Variants in MAST2 observed in about 807,000 individuals in gnomAD.
The protein encoded by MAST2 is microtubule associated serine/threonine kinase 2.
In MAST2, 70 loss-of-function variants were observed where a neutral mutation model predicts 147.4. That is an observed-to-expected ratio of 0.47 (90% CI 0.39 to 0.58). The LOEUF is 0.58. Ranked by LOEUF, MAST2 falls within the 20% of genes least tolerant of loss-of-function variation. MAST2 has a pLI of 0.00. For missense variants in MAST2, 2,080 were observed against 2,302.3 expected, an observed-to-expected ratio of 0.90 and a Z score of 1.98; for synonymous variants, 869 against 896.8, an observed-to-expected ratio of 0.97 and a Z score of 0.55.
chr1:45,923,357 A>G (rs1431723423), intron 4 of MAST2, among the ~76,000 whole-genome samples: 1 of 152,174 alleles, frequency 6.6e-6, no homozygotes, highest in African/African-American at 2.4e-5. Context: ...CATGGCAGTG[A>G]CGGGCTGCCA....
At chr1:45,951,222 A>T (rs572716927) in intron 4 of MAST2, among the ~76,000 whole-genome samples, 3 of 152,298 alleles carry the variant, frequency 2.0e-5, no homozygotes, top group Non-Finnish European at 4.4e-5. Flanking sequence ...ACCTGTCTCA[A>T]AAAGAAAAAC....
intron 1 of MAST2, among the ~76,000 whole-genome samples, chr1:45,822,144 C>A (rs1191431052): frequency 6.6e-6 from 1 of 152,046 alleles, no homozygotes; most frequent in East Asian, 1.9e-4. Context: ...CCACCTCAGC[C>A]TCCCAAAGTT....
intron 5 of MAST2, among the ~76,000 whole-genome samples, chr1:45,965,685 A>G (rs1570966873): frequency 1.3e-5 from 2 of 151,956 alleles, no homozygotes; most frequent in East Asian, 3.9e-4. Context: ...GTAGGTACAT[A>G]CCCAGCCATT....
chr1:45,975,930 G>A (rs1644133255), intron 5 of MAST2, among the ~76,000 whole-genome samples: 3 of 151,512 alleles, frequency 2.0e-5, no homozygotes, highest in South Asian at 4.2e-4. Context: ...ATTTTCTTGT[G>A]GAGGCAAGAT....
intron 5 of MAST2, among the ~76,000 whole-genome samples, chr1:45,966,015 CT>C (rs1661142353): frequency 6.6e-6 from 1 of 152,182 alleles, no homozygotes; most frequent in South Asian, 2.1e-4. Flanking sequence ...TATCTGTGCT[CT>C]GCCTATTTAT....
intron 3 of MAST2, among the ~76,000 whole-genome samples, chr1:45,864,108 A>G (rs941459702): frequency 4.6e-5 from 7 of 152,216 alleles, no homozygotes; most frequent in African/African-American, 1.7e-4. Context: ...GCCATGAATT[A>G]AGAAACAGAA....
chr1:45,837,120 T>G (rs1416349487), intron 3 of MAST2, among the ~76,000 whole-genome samples: 2 of 152,204 alleles, frequency 1.3e-5, no homozygotes, highest in Non-Finnish European at 2.9e-5. Flanking sequence ...CCATGTGGCC[T>G]GGTCCCTAAC....
intron 5 of MAST2, among the ~76,000 whole-genome samples, chr1:45,990,352 C>T (rs995098649): frequency 6.6e-6 from 1 of 152,118 alleles, no homozygotes; most frequent in African/African-American, 2.4e-5. Context: ...GGTGAGGTGG[C>T]TGTTCAGATC....
At chr1:46,013,004 T>C (rs533416374) in intron 10 of MAST2, among the ~76,000 whole-genome samples, 2 of 152,064 alleles carry the variant, frequency 1.3e-5, no homozygotes, top group East Asian at 4.0e-4. Flanking sequence ...TGAACGGCCT[T>C]GTGAGGAGCT....
chr1:45,862,903 A>T (rs545207908), intron 3 of MAST2, among the ~76,000 whole-genome samples: 1 of 152,254 alleles, frequency 6.6e-6, no homozygotes, highest in South Asian at 2.1e-4. Flanking sequence ...ACTATAATGA[A>T]TTGAGCCTTC....
intron 4 of MAST2, among the ~76,000 whole-genome samples, chr1:45,948,869 C>CAATAG (rs1313382930): frequency 6.6e-6 from 1 of 151,840 alleles, no homozygotes; most frequent in African/African-American, 2.4e-5. Context: ...GGACATAAAC[C>CAATAG]AATAGAACAG....
chr1:45,961,010 A>C (rs1275769543), intron 5 of MAST2, among the ~76,000 whole-genome samples: 1 of 152,180 alleles, frequency 6.6e-6, no homozygotes, highest in African/African-American at 2.4e-5. Context: ...GGTGATTCTG[A>C]AACTGAACTT....
chr1:45,907,508 T>C (rs1650965778), intron 4 of MAST2, among the ~76,000 whole-genome samples: 1 of 150,478 alleles, frequency 6.6e-6, no homozygotes, highest in Non-Finnish European at 1.5e-5. Flanking sequence ...TCACCCAGGC[T>C]GTGCAGTGGC....
At chr1:45,982,548 A>T (rs1041715059) in intron 5 of MAST2, among the ~76,000 whole-genome samples, 1 of 152,216 alleles carries the variant, frequency 6.6e-6, no homozygotes, top group Non-Finnish European at 1.5e-5. Flanking sequence ...TGAACACAGG[A>T]GGGTGACACT....
intron 3 of MAST2, among the ~76,000 whole-genome samples, chr1:45,873,499 A>G (rs1222078667): frequency 1.3e-5 from 2 of 151,984 alleles, no homozygotes; most frequent in Non-Finnish European, 1.5e-5. Flanking sequence ...CACCTGGTCA[A>G]TTTCTTATTA....
intron 3 of MAST2, among the ~76,000 whole-genome samples, chr1:45,860,871 A>G (rs1309305984): frequency 6.6e-6 from 1 of 152,048 alleles, no homozygotes; most frequent in Admixed American, 6.6e-5. Context: ...AACTCCTGCT[A>G]TTATCTTTGT....
chr1:45,989,335 C>T (rs1329384041), intron 5 of MAST2, among the ~76,000 whole-genome samples: 1 of 152,148 alleles, frequency 6.6e-6, no homozygotes, highest in Non-Finnish European at 1.5e-5. Context: ...AAATTATTAA[C>T]CCATACTCCT....
intron 3 of MAST2, among the ~76,000 whole-genome samples, chr1:45,872,083 A>G (rs1166598608): frequency 6.6e-6 from 1 of 152,194 alleles, no homozygotes; most frequent in East Asian, 1.9e-4. Context: ...CCAATTCTCT[A>G]TCCACTTCCA....
chr1:45,825,809 G>A (rs1200738807), intron 2 of MAST2, among the ~76,000 whole-genome samples: 1 of 151,446 alleles, frequency 6.6e-6, no homozygotes, highest in African/African-American at 2.4e-5. Context: ...GGGTGTGGTG[G>A]CTCACGCCCG....
Sources: gnomAD v4.1 joint callset for allele counts (sites outside exome capture counted in the v4.1 genomes callset) on GRCh38, gnomAD v4.1.1 for gene constraint, MANE v1.5 for transcripts, NCBI Gene and HGNC (gene_info 2026-07-23, HGNC 2026-07-21) for gene names.